PKN2: variants seen among roughly 807,000 people sequenced by gnomAD.
PKN2 encodes serine/threonine-protein kinase N2.
A neutral mutation model predicts 119.1 loss-of-function variants in PKN2; 38 were observed. The ratio of observed to expected loss-of-function variants is 0.32; its 90% CI spans 0.25 to 0.42. The LOEUF is 0.42. PKN2 is among the 10% of genes least tolerant of loss of function. The pLI is 1.00. For missense variants in PKN2, 850 were observed against 1,165.1 expected (o/e 0.73, Z 3.94); for synonymous variants, 390 against 384.9 (o/e 1.01, Z -0.15).
Position 88,807,349 on chromosome 1 carries a change from A to T in PKN2, c.1840A>T (p.Asn614Tyr). ...TGTTTTTGATATTCAGAATGACAGA[A>T]ATAGTATACTTCCAAAATCTCAATC... Reference protein sequence around the residue: ...ETVFDIQNDRNSILPKSQSEY... With the variant: ...ETVFDIQNDRYSILPKSQSEY... Residue 614 changes from asparagine (N) to tyrosine (Y), a missense_variant, in exon 13 of 22, where the codon AAT becomes TAT. Physicochemically the swap from Asn to Tyr is moderately radical, Grantham distance 143. Transcript: ENST00000370521. The T allele has an allele frequency of 6.3e-7, 1 of 1,587,978 alleles. No individual in the cohort carries two copies. The highest frequency in any genetic ancestry group is 1.3e-5 in the African/African-American group (1 of 74,434).
At position 88,689,884 on chromosome 1, in the gene PKN2, A is replaced by G. The variant is rs184136229; in HGVS notation, c.48+5256A>G. On this transcript the variant is annotated intron_variant, in intron 1 of 21. Coordinates refer to ENST00000370521, the MANE Select transcript of PKN2 (RefSeq NM_006256.4). The stretch of plus-strand genomic sequence containing the variant: ...TAGCAACAATTTCTTTGAATAATAT[A>G]GCAATACAGTGTGTTTTTCCGGCTT... 2.6e-3 allele frequency among the ~76,000 whole-genome samples: 391 copies of G among 152,344 alleles called. 2 individuals are homozygous for G. The highest frequency in any genetic ancestry group is 9.1e-3 in the African/African-American group (378 of 41,576).
intron 12 of PKN2, 152 bp downstream of exon 12, chr1:88,806,169 T>C: frequency 2.8e-6 from 2 of 723,654 alleles, no homozygotes; most frequent in South Asian, 3.8e-5. Flanking sequence ...GTTTTTGTTT[T>C]TTGAGACAGA....
intron 6 of PKN2, among the ~76,000 whole-genome samples, chr1:88,778,123 G>A (rs934437400): frequency 6.6e-6 from 1 of 152,164 alleles, no homozygotes; most frequent in African/African-American, 2.4e-5. Flanking sequence ...CCTTTTACAT[G>A]TATTGATAGA....
intron 1 of PKN2, among the ~76,000 whole-genome samples, chr1:88,737,730 G>T (rs1668412154): frequency 6.6e-6 from 1 of 152,150 alleles, no homozygotes; most frequent in South Asian, 2.1e-4. Context: ...GTTCTGCCTG[G>T]TGTTGGGTTT....
intron 1 of PKN2, among the ~76,000 whole-genome samples, chr1:88,729,811 C>G (rs1310251542): frequency 6.6e-6 from 1 of 152,148 alleles, no homozygotes; most frequent in Non-Finnish European, 1.5e-5. Context: ...ACATGTTGCC[C>G]TGCCTCCCTT....
chr1:88,768,642 G>A (rs1044149734), intron 3 of PKN2, among the ~76,000 whole-genome samples: 1 of 152,140 alleles, frequency 6.6e-6, no homozygotes, highest in African/African-American at 2.4e-5. Context: ...TTACCAACAA[G>A]ATTCTGAGGC....
intron 7 of PKN2, 128 bp from the exon 8 acceptor site, chr1:88,785,976 T>A (rs572260079): frequency 1.7e-6 from 1 of 585,636 alleles, no homozygotes; most frequent in Non-Finnish European, 3.0e-6. Flanking sequence ...TTCAAAAGTT[T>A]TAATATTGAT....
intron 3 of PKN2, among the ~76,000 whole-genome samples, chr1:88,766,937 T>C (rs1669689154): frequency 6.6e-6 from 1 of 152,130 alleles, no homozygotes; most frequent in African/African-American, 2.4e-5. Flanking sequence ...TAAAATAAAA[T>C]ACAAGTGCTG....
intron 6 of PKN2, among the ~76,000 whole-genome samples, chr1:88,779,660 A>G (rs1670251905): frequency 6.6e-6 from 1 of 152,174 alleles, no homozygotes; most frequent in Non-Finnish European, 1.5e-5. Context: ...TATTAATGCC[A>G]ACAAACCTTA....
At chr1:88,720,922 C>G (rs1667651546) in intron 1 of PKN2, among the ~76,000 whole-genome samples, 1 of 152,164 alleles carries the variant, frequency 6.6e-6, no homozygotes, top group African/African-American at 2.4e-5. Context: ...ATAGTTGTCT[C>G]CGATTCTATC....
chr1:88,776,664 C>T (rs542964821), intron 6 of PKN2, among the ~76,000 whole-genome samples: 6 of 151,456 alleles, frequency 4.0e-5, no homozygotes, highest in East Asian at 2.0e-4. Context: ...CGTTTGAACG[C>T]GGGAGGCGGA....
intron 1 of PKN2, among the ~76,000 whole-genome samples, chr1:88,704,085 C>T (rs538615486): frequency 6.6e-6 from 1 of 152,102 alleles, no homozygotes; most frequent in East Asian, 1.9e-4. Context: ...TCAGTGCAAA[C>T]AATATAATGA....
chr1:88,755,627 C>T (rs982350334), intron 2 of PKN2, among the ~76,000 whole-genome samples: 1 of 152,132 alleles, frequency 6.6e-6, no homozygotes, highest in Admixed American at 6.6e-5. Context: ...ACATTTTAAG[C>T]ATCGACCTGA....
chr1:88,686,335 T>C (rs528681384), intron 1 of PKN2, among the ~76,000 whole-genome samples: 1 of 152,214 alleles, frequency 6.6e-6, no homozygotes, highest in African/African-American at 2.4e-5. Context: ...AAAGTTGGCA[T>C]AAAAGACACC....
At chr1:88,729,294 T>C (rs950259683) in intron 1 of PKN2, among the ~76,000 whole-genome samples, 1 of 152,264 alleles carries the variant, frequency 6.6e-6, no homozygotes, top group Non-Finnish European at 1.5e-5. Flanking sequence ...TGCTTAGAGC[T>C]ATCATCATTT....
At chr1:88,718,215 A>G (rs1570524679) in intron 1 of PKN2, among the ~76,000 whole-genome samples, 1 of 152,140 alleles carries the variant, frequency 6.6e-6, no homozygotes, top group African/African-American at 2.4e-5. Flanking sequence ...ACCCACCTCT[A>G]TGAGGTGTCC....
At chr1:88,722,214 A>G (rs1273325067) in intron 1 of PKN2, among the ~76,000 whole-genome samples, 1 of 151,288 alleles carries the variant, frequency 6.6e-6, no homozygotes, top group Admixed American at 6.6e-5. Flanking sequence ...CTGTTAAGTA[A>G]TCATTAAGAG....
At chr1:88,685,925 TG>T (rs1283197622) in intron 1 of PKN2, among the ~76,000 whole-genome samples, 1 of 152,198 alleles carries the variant, frequency 6.6e-6, no homozygotes, top group African/African-American at 2.4e-5. Context: ...TTTGGTATAA[TG>T]GTTGATATTT....
In PKN2 at chr1:88,824,300, T is replaced by C; in HGVS notation, c.2343-10T>C. ...TTTTTTTTCATGCTGTATCTTTTTATCCTGAACAGAGATTTGAAATTGGAT... is the reference window on the plus strand; with the variant it reads ...TTTTTTTTCATGCTGTATCTTTTTACCCTGAACAGAGATTTGAAATTGGAT... On this transcript the variant is annotated splice_polypyrimidine_tract_variant and intron_variant, in intron 17 of 21. Coordinates refer to ENST00000370521, the MANE Select transcript of PKN2 (RefSeq NM_006256.4). 6.8e-7 allele frequency: 1 copy of C among 1,475,098 alleles called. No homozygotes were observed. Among genetic ancestry groups the C allele is most frequent in the Non-Finnish European group, 9.4e-7 (1 of 1,061,902 alleles). The allele number at this position is 1,475,098 out of a possible 1,614,324, so 91.4% of individuals were successfully genotyped here.
Sources: allele counts gnomAD v4.1 joint callset (sites outside exome capture counted in the v4.1 genomes callset), GRCh38; gene constraint gnomAD v4.1.1; transcripts MANE v1.5; gene names NCBI Gene and HGNC (gene_info 2026-07-23, HGNC 2026-07-21).